ATAD3C: variants seen among roughly 807,000 people sequenced by gnomAD.
The protein encoded by ATAD3C is ATPase family AAA domain-containing protein 3C.
In ATAD3C, 38 loss-of-function variants were observed where a neutral mutation model predicts 46.3. The observed-to-expected ratio is 0.82, with a 90% CI of 0.63 to 1.08. ATAD3C has a LOEUF of 1.08. Ranked by LOEUF, ATAD3C falls within the 50% of genes least tolerant of loss-of-function variation. The probability of loss-of-function intolerance (pLI) is 0.00; values close to 1 mark genes in which losing one functional copy is unlikely to be tolerated. For missense variants in ATAD3C, 563 were observed against 572.7 expected (o/e 0.98, Z 0.17); for synonymous variants, 220 against 236.4 (o/e 0.93, Z 0.63).
chr1:1,465,146 A>G (rs1429205402), intron 11 of ATAD3C, among the ~76,000 whole-genome samples: 1 of 150,838 alleles, frequency 6.6e-6, no homozygotes, highest in Non-Finnish European at 1.5e-5. Flanking sequence ...TCAGCCTCCC[A>G]AAGTGCTGGG....
At chr1:1,454,597 C>A (rs1167454437) in intron 4 of ATAD3C, 97 bp downstream of exon 4, 4 of 1,477,640 alleles carry the variant, frequency 2.7e-6, no homozygotes, top group Non-Finnish European at 3.6e-6. Flanking sequence ...TGTCCCTTCC[C>A]TTTCCCCGGA....
At chr1:1,456,985 C>A in intron 7 of ATAD3C, 144 bp from the exon 8 acceptor site, 1 of 1,131,830 alleles carries the variant, frequency 8.8e-7, no homozygotes, top group Non-Finnish European at 1.3e-6. Context: ...CAGCTTCTGT[C>A]AGGTCCAGGA....
chr1:1,463,072 T>A (rs1303141381), intron 11 of ATAD3C, among the ~76,000 whole-genome samples: 1 of 151,884 alleles, frequency 6.6e-6, no homozygotes, highest in Non-Finnish European at 1.5e-5. Context: ...AGTTTGGTGG[T>A]GGGGGTGGAG....
rs1639088739 is a variant in ATAD3C, at chr1:1,462,680, A to G, written c.1061A>G (p.Lys354Arg). ...CTGACAGAGGGCATGTCATGCCGGA[A>G]GATCGCACAGCTGGCCGTGTCCTGG... is the stretch of plus-strand genomic sequence containing the variant. Reference protein sequence around the residue: ...ARLTEGMSCRKIAQLAVSWQA... With the variant: ...ARLTEGMSCRRIAQLAVSWQA... Residue 354 changes from lysine (K) to arginine (R), a missense_variant, in exon 11 of 12, where the codon AAG becomes AGG. By Grantham distance (26) the Lys-to-Arg change is conservative. Around this residue, in one of 3 missense-constraint regions of ATAD3C, gnomAD observed 273 missense variants for 253.5 expected, o/e 1.08. Transcript: ENST00000378785. This position sits in a 1 kb window ranked among gnomAD's most constrained non-coding sequence, Gnocchi z 4.5. 6.2e-7 allele frequency: 1 copy of G among 1,605,742 alleles called. No individual in the cohort carries two copies. The highest frequency in any genetic ancestry group is 1.7e-5 in the Admixed American group (1 of 58,786).
chr1:1,468,686 C>T lies in ATAD3C; in HGVS notation c.*156C>T. 1 of 1,345,964 alleles carries T rather than the reference C, an allele frequency of 7.4e-7. No homozygotes were observed. Among genetic ancestry groups the T allele is most frequent in the East Asian group, 2.4e-5 (1 of 41,494 alleles). 83.4% of individuals were successfully genotyped at this position (1,345,964 alleles called of 1,614,324 possible). A position where few individuals can be genotyped will look rare whatever the true frequency, so the allele number is the denominator to read the frequency against. On this transcript the variant is annotated 3_prime_UTR_variant, in exon 12 of 12. Transcript: ENST00000378785. ...GCTGACACGGGGCGGGGTTTGGGGC[C>T]CCCTAACGTCCCCCTGGGGTCAAAG...
rs1330457455 is a variant in ATAD3C, at chr1:1,469,103, A to T, written c.*573A>T. 2.1e-5 allele frequency: 2 copies of T among 95,056 alleles called. No homozygotes were observed. Among genetic ancestry groups the T allele is most frequent in the African/African-American group, 1.4e-4 (2 of 14,058 alleles). 5.9% of individuals were successfully genotyped at this position (95,056 alleles called of 1,614,324 possible). A position where few individuals can be genotyped will look rare whatever the true frequency, so the allele number is the denominator to read the frequency against. The stretch of plus-strand genomic sequence containing the variant: ...ATGGTGAAACTCCATCTCTCCTAAA[A>T]AAAAAAAAAAAAAAAAAAAAAAAAA... On this transcript the variant is annotated 3_prime_UTR_variant, in exon 12 of 12. Coordinates refer to ENST00000378785, the MANE Select transcript of ATAD3C (RefSeq NM_001039211.3).
At chr1:1,458,116 T>A (rs1362052711) in intron 8 of ATAD3C, among the ~76,000 whole-genome samples, 1 of 150,984 alleles carries the variant, frequency 6.6e-6, no homozygotes, top group Non-Finnish European at 1.5e-5. Context: ...GTAGCTGGGA[T>A]TACAGGTGTG....
Position 1,468,555 on chromosome 1 carries a change from G to A in ATAD3C, c.*25G>A, listed in dbSNP as rs1426795395. Reference sequence around the variant, plus strand: ...AGTCCATGGGGAGACCACACCTCACGGAGCCTGGCCGCGGACCCCTCCCAC... The same window carrying A: ...AGTCCATGGGGAGACCACACCTCACAGAGCCTGGCCGCGGACCCCTCCCAC... On this transcript the variant is annotated 3_prime_UTR_variant, in exon 12 of 12. Coordinates refer to ENST00000378785, the MANE Select transcript of ATAD3C (RefSeq NM_001039211.3). 44 of 1,591,114 alleles carry A rather than the reference G, an allele frequency of 2.8e-5. 1 individual carries two copies. Among genetic ancestry groups the A allele is most frequent in the Non-Finnish European group, 3.4e-5 (40 of 1,167,928 alleles).
At position 1,462,711 on chromosome 1, in the gene ATAD3C, G is replaced by A; in HGVS notation, c.1089+3G>A. ...CACAGCTGGCCGTGTCCTGGCAGGT[G>A]AGTCAGGCTCGGGTGCACCCACCCA... On this transcript the variant is annotated splice_donor_region_variant and intron_variant, in intron 11 of 11. Transcript: ENST00000378785. The surrounding 1 kb of genome is among the most constrained non-coding windows in gnomAD (Gnocchi z 4.5). 1 of 1,599,372 alleles carries A rather than the reference G, an allele frequency of 6.3e-7. No individual in the cohort carries two copies. The highest frequency in any genetic ancestry group is 8.5e-7 in the Non-Finnish European group (1 of 1,173,484).
intron 8 of ATAD3C, among the ~76,000 whole-genome samples, chr1:1,457,880 G>A (rs1482210108): frequency 2.6e-5 from 4 of 151,672 alleles, no homozygotes; most frequent in African/African-American, 4.8e-5. Context: ...GTTTCACCAC[G>A]TTGGCCATGA....
intron 3 of ATAD3C, among the ~76,000 whole-genome samples, chr1:1,452,874 T>C (rs1192845990): frequency 6.6e-6 from 1 of 151,940 alleles, no homozygotes; most frequent in Non-Finnish European, 1.5e-5. Context: ...AAACCCTCTT[T>C]ATTCCTCAGA....
intron 4 of ATAD3C, 74 bp downstream of exon 4, chr1:1,454,574 ACG>A: frequency 1.3e-6 from 2 of 1,532,406 alleles, no homozygotes; most frequent in Non-Finnish European, 8.7e-7. Context: ...AGCACAGCCC[ACG>A]CATATACTCC....
At chr1:1,455,216 CAAAAAAAAAAA>C (rs56939451) in intron 4 of ATAD3C, among the ~76,000 whole-genome samples, 2 of 49,278 alleles carry the variant, frequency 4.1e-5, no homozygotes, top group Non-Finnish European at 5.1e-5. Context: ...GACTCCGTCT[CAAAAAAAAAAA>C]AAAAAAAAAA....
Position 1,468,668 on chromosome 1 carries a change from CG to C in ATAD3C, c.*142del, listed in dbSNP as rs1330248894. On this transcript the variant is annotated 3_prime_UTR_variant, in exon 12 of 12. Coordinates refer to ENST00000378785, the MANE Select transcript of ATAD3C (RefSeq NM_001039211.3). Reference sequence around the variant, plus strand: ...GCACCGCTGTGTCTATTGGCTGACACGGGGCGGGGTTTGGGGCCCCCTAACG... The same window carrying C: ...GCACCGCTGTGTCTATTGGCTGACACGGGCGGGGTTTGGGGCCCCCTAACG... 6.5e-6 allele frequency: 10 copies of C among 1,531,124 alleles called. No individual in the cohort carries two copies. The highest frequency in any genetic ancestry group is 6.2e-6 in the Non-Finnish European group (7 of 1,130,604). The allele number at this position is 1,531,124 out of a possible 1,614,324, so 94.8% of individuals were successfully genotyped here. A position where few individuals can be genotyped will look rare whatever the true frequency, so the allele number is the denominator to read the frequency against.
At chr1:1,461,972 C>T (rs913989126) in intron 10 of ATAD3C, among the ~76,000 whole-genome samples, 1 of 152,076 alleles carries the variant, frequency 6.6e-6, no homozygotes, top group East Asian at 1.9e-4. Flanking sequence ...GGGGCCCTGG[C>T]GCCTCACACT....
intron 11 of ATAD3C, among the ~76,000 whole-genome samples, chr1:1,467,542 G>A (rs1256069554): frequency 6.6e-6 from 1 of 152,070 alleles, no homozygotes; most frequent in East Asian, 1.9e-4. Flanking sequence ...CGTGGTGACG[G>A]TGTTGTGGGA....
chr1:1,464,859 G>C lies in ATAD3C; in HGVS notation c.1089+2151G>C, dbSNP rs58552536. 2.2e-3 allele frequency among the ~76,000 whole-genome samples: 337 copies of C among 152,038 alleles called. 3 individuals carry two copies. The highest frequency in any genetic ancestry group is 7.7e-3 in the African/African-American group (320 of 41,496). On this transcript the variant is annotated intron_variant, in intron 11 of 11. Coordinates refer to ENST00000378785, the MANE Select transcript of ATAD3C (RefSeq NM_001039211.3). ...TTGCATTTAGTCTCTATGTTGCTTTGATGTCTCTCAGCAATATTGTGTGGT... is the reference window on the plus strand; with the variant it reads ...TTGCATTTAGTCTCTATGTTGCTTTCATGTCTCTCAGCAATATTGTGTGGT...
At chr1:1,456,006 G>A in intron 6 of ATAD3C, 90 bp downstream of exon 6, 1 of 1,589,962 alleles carries the variant, frequency 6.3e-7, no homozygotes, top group Non-Finnish European at 8.5e-7. Flanking sequence ...CCTGGGGAAT[G>A]GACCCCCCTT....
At chr1:1,452,334 C>T in intron 2 of ATAD3C, 31 bp from the exon 3 acceptor site, 1 of 1,613,642 alleles carries the variant, frequency 6.2e-7, no homozygotes, top group Non-Finnish European at 8.5e-7. Context: ...TCTTTGTTTC[C>T]CTCCTGGTCA....
Sources: allele counts gnomAD v4.1 joint callset (sites outside exome capture counted in the v4.1 genomes callset), GRCh38; gene constraint gnomAD v4.1.1; regional missense constraint gnomAD v4.1.1; non-coding constraint Gnocchi (gnomAD v3.1); transcripts MANE v1.5; gene names NCBI Gene and HGNC (gene_info 2026-07-23, HGNC 2026-07-21).